The following USP47 variants were observed in gnomAD, a reference collection of about 807,000 sequenced individuals.
USP47 encodes the protein ubiquitin specific peptidase 47, also known as ubiquitin carboxyl-terminal hydrolase 47.
Under a neutral mutation model 165.1 loss-of-function variants are expected in USP47, and 35 were observed. That is an observed-to-expected ratio of 0.21 (90% CI 0.16 to 0.28). The LOEUF (loss-of-function observed/expected upper bound fraction) is 0.28. USP47 is among the 10% of genes least tolerant of loss of function. The pLI, the probability that USP47 is intolerant of heterozygous loss-of-function variation, is 1.00. For synonymous variants in USP47, 531 were observed against 544.5 expected (o/e 0.98, Z 0.35); for missense variants, 1,277 against 1,607.4 (o/e 0.79, Z 3.52).
intron 2 of USP47, among the ~76,000 whole-genome samples, chr11:11,882,387 C>T (rs1686554201): frequency 6.6e-6 from 1 of 151,958 alleles, no homozygotes; most frequent in South Asian, 2.1e-4. Flanking sequence ...TTTGATGTTG[C>T]CTGATTTGCC....
chr11:11,906,239 T>A, intron 8 of USP47, among the ~76,000 whole-genome samples: 1 of 152,118 alleles, frequency 6.6e-6, no homozygotes, highest in South Asian at 2.1e-4. Flanking sequence ...AAGACTTAAG[T>A]TGATATTTAA....
rs1410770405 is a variant in USP47, at chr11:11,959,800, A to G, written c.*3625A>G. On this transcript the variant is annotated 3_prime_UTR_variant, in exon 28 of 28. Transcript: ENST00000527733. ...CCTCACCAGCTCACCTGTACAAGAGAATTGATCTCAACTGAGTGTCAGCTC... is the reference window on the plus strand; with the variant it reads ...CCTCACCAGCTCACCTGTACAAGAGGATTGATCTCAACTGAGTGTCAGCTC... Among the ~76,000 whole-genome samples the G allele has an allele frequency of 6.6e-6, 1 of 152,092 alleles. No individual in the cohort carries two copies. Among genetic ancestry groups the G allele is most frequent in the East Asian group, 1.9e-4 (1 of 5,176 alleles).
intron 13 of USP47, 90 bp downstream of exon 13, chr11:11,930,210 A>T: frequency 8.1e-7 from 1 of 1,232,980 alleles, no homozygotes; most frequent in Non-Finnish European, 1.2e-6. Flanking sequence ...TAACCAAGGG[A>T]TTGAGGAACT....
chr11:11,921,042 A>T (rs539750664), intron 10 of USP47, among the ~76,000 whole-genome samples: 1 of 151,758 alleles, frequency 6.6e-6, no homozygotes, highest in Non-Finnish European at 1.5e-5. Flanking sequence ...CACATGATGT[A>T]ATGCTTATCA....
chr11:11,851,246 C>G (rs1051204055), intron 1 of USP47, among the ~76,000 whole-genome samples: 9 of 151,068 alleles, frequency 6.0e-5, no homozygotes, highest in Admixed American at 3.3e-4. Flanking sequence ...CATTATGGCA[C>G]CCTTCAAATT....
chr11:11,857,094 A>G (rs1472075421), intron 1 of USP47, among the ~76,000 whole-genome samples: 1 of 152,084 alleles, frequency 6.6e-6, no homozygotes. Flanking sequence ...AATATTTAAT[A>G]AAGAGAAGCT....
At position 11,947,953 on chromosome 11, in the gene USP47, G is replaced by T. The variant is rs779789525; in HGVS notation, c.3100G>T (p.Val1034Leu). 1.9e-5 allele frequency: 30 copies of T among 1,607,044 alleles called. No individual in the cohort carries two copies. Among genetic ancestry groups the T allele is most frequent in the Non-Finnish European group, 8.5e-7 (1 of 1,177,902 alleles). ...TTTTTTTTTGTGCTTAGGGTTGATG[G>T]TGCATGTTGATAAAAGAATTACTCT... is the stretch of plus-strand genomic sequence containing the variant. ...GSGEGHKWLM[V>L]HVDKRITLAA... The change falls in exon 21 of 28, where the codon GTG (valine) becomes TTG (leucine). Residue 1034 changes from valine to leucine, a missense_variant. Physicochemically the swap from Val to Leu is conservative, Grantham distance 32 (BLOSUM62 1). This residue lies in a region of USP47 where 909 missense variants were observed against 1,068.1 expected (regional missense o/e 0.85). Coordinates refer to ENST00000527733, the MANE Select transcript of USP47 (RefSeq NM_001282659.2).
At chr11:11,937,825 G>C (rs189769975) in intron 17 of USP47, among the ~76,000 whole-genome samples, 13 of 151,982 alleles carry the variant, frequency 8.6e-5, no homozygotes, top group Admixed American at 6.6e-4. Flanking sequence ...TGTGTATTAA[G>C]TACAATGTTT....
In USP47 at chr11:11,867,187, G is replaced by A. The variant is rs116651486; in HGVS notation, c.40-12990G>A. Among the ~76,000 whole-genome samples, 627 of 152,294 alleles carry A rather than the reference G, an allele frequency of 4.1e-3. 6 individuals are homozygous for A. Among genetic ancestry groups the A allele is most frequent in the African/African-American group, 0.014 (579 of 41,578 alleles). On this transcript the variant is annotated intron_variant, in intron 1 of 27. Coordinates refer to ENST00000527733, the MANE Select transcript of USP47 (RefSeq NM_001282659.2). ...GTTGGGATTATAGGCGTGAGCCGCT[G>A]TGCCTGGCCCTCTCTGACTACATGT...
intron 20 of USP47, chr11:11,943,978 GTATCC>G (rs1855656942): frequency 2.0e-5 from 3 of 151,642 alleles, no homozygotes; most frequent in African/African-American, 7.3e-5. Flanking sequence ...GCAAACATTA[GTATCC>G]TGATGTGACA....
At position 11,960,480 on chromosome 11, in the gene USP47, C is replaced by G. The variant is rs1847405818; in HGVS notation, c.*4305C>G. The stretch of plus-strand genomic sequence containing the variant: ...CTTCTCTGCAGTGAATACCACTATC[C>G]CATGCTGCACTAGTCCCTACCAAGT... On this transcript the variant is annotated 3_prime_UTR_variant, in exon 28 of 28. Transcript: ENST00000527733. 6.6e-6 allele frequency among the ~76,000 whole-genome samples: 1 copy of G among 152,176 alleles called. No individual in the cohort carries two copies. The highest frequency in any genetic ancestry group is 1.5e-5 in the Non-Finnish European group (1 of 68,036).
At chr11:11,903,425 T>C in intron 7 of USP47, 83 bp downstream of exon 7, 1 of 1,347,928 alleles carries the variant, frequency 7.4e-7, no homozygotes, top group Admixed American at 2.0e-5. Flanking sequence ...TGTTGGAATG[T>C]TTTAAAACTT....
chr11:11,848,747 C>T (rs1007398478), intron 1 of USP47, among the ~76,000 whole-genome samples: 23 of 151,646 alleles, frequency 1.5e-4, no homozygotes, highest in Admixed American at 7.2e-4. Context: ...GTAGCTGAGA[C>T]TACAGACGCG....
At chr11:11,905,373 T>G in intron 7 of USP47, 26 bp from the exon 8 acceptor site, 1 of 1,543,860 alleles carries the variant, frequency 6.5e-7, no homozygotes. Context: ...AAGGAACACT[T>G]AAAAATGTAA....
chr11:11,878,741 T>G (rs906825596), intron 1 of USP47: 1 of 152,126 alleles, frequency 6.6e-6, no homozygotes, highest in Non-Finnish European at 1.5e-5. Flanking sequence ...CAACTTACTT[T>G]TGTTCTAAAC....
In USP47 at chr11:11,891,982, T is replaced by C; in HGVS notation, c.372T>C (p.Ala124=). The C allele has an allele frequency of 6.2e-7, 1 of 1,612,548 alleles. No individual in the cohort carries two copies. Among genetic ancestry groups the C allele is most frequent in the Non-Finnish European group, 8.5e-7 (1 of 1,179,360 alleles). ...QPQILLEDSS[A]GEDSVHDRFI... is the part of the protein sequence containing the mutation. ...TTGCATTTTAGGAGGATTCCAGTGCTGGGGAAGACAGTGTTCATGACAGGT... is the reference window on the plus strand; with the variant it reads ...TTGCATTTTAGGAGGATTCCAGTGCCGGGGAAGACAGTGTTCATGACAGGT... Residue 124 remains alanine, a synonymous_variant, in exon 4 of 28, where the codon GCT becomes GCC. Transcript: ENST00000527733.
chr11:11,956,251 T>C lies in USP47; in HGVS notation c.*76T>C. Reference sequence around the variant, plus strand: ...GTTCACTACCACTGGGTAGTGCCATTTTGGCCGGACATGGTTGGGGTAACC... The same window carrying C: ...GTTCACTACCACTGGGTAGTGCCATCTTGGCCGGACATGGTTGGGGTAACC... On this transcript the variant is annotated 3_prime_UTR_variant, in exon 28 of 28. Coordinates refer to ENST00000527733, the MANE Select transcript of USP47 (RefSeq NM_001282659.2). 3.2e-6 allele frequency: 5 copies of C among 1,547,638 alleles called. No individual in the cohort carries two copies. The highest frequency in any genetic ancestry group is 3.5e-6 in the Non-Finnish European group (4 of 1,130,850).
At chr11:11,852,702 C>G (rs899648414) in intron 1 of USP47, among the ~76,000 whole-genome samples, 3 of 152,122 alleles carry the variant, frequency 2.0e-5, no homozygotes, top group African/African-American at 7.2e-5. Context: ...AATTGTGTTT[C>G]TGTTTGTTTG....
intron 5 of USP47, among the ~76,000 whole-genome samples, chr11:11,900,269 T>C (rs1360369444): frequency 1.3e-5 from 2 of 149,936 alleles, no homozygotes; most frequent in Non-Finnish European, 3.0e-5. Flanking sequence ...ATGTTCATTC[T>C]CCTGCCTCAG....
Sources: allele counts gnomAD v4.1 joint callset (sites outside exome capture counted in the v4.1 genomes callset), GRCh38; gene constraint gnomAD v4.1.1; regional missense constraint gnomAD v4.1.1; transcripts MANE v1.5; gene names NCBI Gene and HGNC (gene_info 2026-07-23, HGNC 2026-07-21).